The following SCRG1 variants were observed in gnomAD, a reference collection of about 807,000 sequenced individuals.
SCRG1 encodes the protein stimulator of chondrogenesis 1.
Under a neutral mutation model 7.7 loss-of-function variants are expected in SCRG1, and 3 were observed. The ratio of observed to expected loss-of-function variants is 0.39; its 90% CI spans 0.18 to 1.01. The LOEUF (loss-of-function observed/expected upper bound fraction) is 1.01, where lower values mean the gene tolerates loss of function less well. Ranked by LOEUF, SCRG1 falls within the 50% of genes least tolerant of loss-of-function variation. The pLI is 0.36. For synonymous variants in SCRG1, 46 were observed against 41.2 expected (o/e 1.12, Z -0.44); for missense variants, 110 against 117.2 (o/e 0.94, Z 0.28).
chr4:173,460,625 GC>G, the SCRG1 span, among the ~76,000 whole-genome samples: 1 of 152,194 alleles, frequency 6.6e-6, no homozygotes. Context: ...TTTATCACCT[GC>G]TAACTGAAGA....
the SCRG1 span, among the ~76,000 whole-genome samples, chr4:173,442,433 A>G: frequency 1.3e-5 from 2 of 152,132 alleles, no homozygotes; most frequent in African/African-American, 4.8e-5. Context: ...CTTTTCTTCA[A>G]ACGACTTCAG....
At chr4:173,388,531 G>A in intron 2 of SCRG1, 136 bp from the exon 3 acceptor site, 1 of 570,022 alleles carries the variant, frequency 1.8e-6, no homozygotes, top group Non-Finnish European at 3.0e-6. Context: ...AATGTAAAGA[G>A]ATGAGTGGGA....
At chr4:173,454,996 T>C in the SCRG1 span, among the ~76,000 whole-genome samples, 10 of 152,298 alleles carry the variant, frequency 6.6e-5, no homozygotes, top group South Asian at 2.1e-3. Context: ...GATTCTTATG[T>C]AATAATCTTG....
chr4:173,400,844 T>A (rs1044541885), upstream of SCRG1, among the ~76,000 whole-genome samples: 1 of 152,196 alleles, frequency 6.6e-6, no homozygotes, highest in African/African-American at 2.4e-5. Context: ...CCCACCATTA[T>A]GCTGTACTGC....
the SCRG1 span, among the ~76,000 whole-genome samples, chr4:173,423,867 T>C: frequency 1.3e-5 from 2 of 152,178 alleles, no homozygotes; most frequent in Non-Finnish European, 2.9e-5. Flanking sequence ...CAGCCATTGA[T>C]GAGGGCCTCC....
chr4:173,474,323 G>A, the SCRG1 span, among the ~76,000 whole-genome samples: 1 of 152,036 alleles, frequency 6.6e-6, no homozygotes, highest in Non-Finnish European at 1.5e-5. Flanking sequence ...GTATATTTTT[G>A]TGAGAAAATT....
chr4:173,401,066 G>C (rs1199661261), upstream of SCRG1, among the ~76,000 whole-genome samples: 1 of 152,110 alleles, frequency 6.6e-6, no homozygotes, highest in Non-Finnish European at 1.5e-5. Context: ...AGAACAACAC[G>C]TGCACACCCT....
At chr4:173,497,045 G>T in the SCRG1 span, among the ~76,000 whole-genome samples, 1 of 152,130 alleles carries the variant, frequency 6.6e-6, no homozygotes, top group Non-Finnish European at 1.5e-5. Flanking sequence ...GGCAGAGCGT[G>T]CAGTGAGCTG....
the SCRG1 span, among the ~76,000 whole-genome samples, chr4:173,440,591 A>C: frequency 2.0e-5 from 3 of 152,208 alleles, no homozygotes; most frequent in African/African-American, 7.2e-5. Flanking sequence ...GACATATCCA[A>C]TATGGTGTGG....
chr4:173,434,244 C>T, the SCRG1 span, among the ~76,000 whole-genome samples: 2 of 152,090 alleles, frequency 1.3e-5, no homozygotes, highest in South Asian at 2.1e-4. Flanking sequence ...AATTTCATTT[C>T]AAAAATTTTA....
chr4:173,388,377 T>C lies in SCRG1; in HGVS notation c.261A>G (p.Pro87=), dbSNP rs370051987. The C allele has an allele frequency of 6.2e-6, 10 of 1,612,166 alleles. No individual in the cohort carries two copies. The African/African-American group carries it at 6.7e-5, about 11-fold the overall frequency. Residue 87 remains proline (P), a synonymous_variant, in exon 3 of 3, where the codon CCA becomes CCG. Coordinates refer to ENST00000296506, the MANE Select transcript of SCRG1 (RefSeq NM_007281.4). ...LCCPKDVFFG[P]KISFVIPCNN... is the part of the protein sequence containing the mutation. The stretch of plus-strand genomic sequence containing the variant: ...TGCAAGGAATCACGAAAGAGATCTT[T>C]GGTCCAAAGAAAACGTCTCTGAAAG...
At position 173,388,044 on chromosome 4, in the gene SCRG1, T is replaced by A. The variant is rs955010008; in HGVS notation, c.*297A>T. 1 of 283,154 alleles carries A rather than the reference T, an allele frequency of 3.5e-6. No homozygotes were observed. Among genetic ancestry groups the A allele is most frequent in the Non-Finnish European group, 6.5e-6 (1 of 154,224 alleles). 17.5% of individuals were successfully genotyped at this position (283,154 alleles called of 1,614,324 possible). ...GAAAGTATTTTCAATCCTTGAGCCA[T>A]GCCTATGGCTCTTCATCTGGGGGAC... On this transcript the variant is annotated 3_prime_UTR_variant, in exon 3 of 3. Coordinates refer to ENST00000296506, the MANE Select transcript of SCRG1 (RefSeq NM_007281.4).
At chr4:173,496,751 G>C in the SCRG1 span, among the ~76,000 whole-genome samples, 2 of 152,184 alleles carry the variant, frequency 1.3e-5, no homozygotes, top group South Asian at 4.1e-4. Flanking sequence ...TTCTGATTAA[G>C]TATTGCCCAG....
the SCRG1 span, among the ~76,000 whole-genome samples, chr4:173,441,574 A>G: frequency 6.6e-6 from 1 of 152,338 alleles, no homozygotes; most frequent in Admixed American, 6.5e-5. Flanking sequence ...TCACTGTATT[A>G]GGATCAGAAC....
chr4:173,456,227 C>A, the SCRG1 span, among the ~76,000 whole-genome samples: 1 of 152,088 alleles, frequency 6.6e-6, no homozygotes, highest in Admixed American at 6.5e-5. Context: ...ACACAGAATT[C>A]GAATCTTAAG....
chr4:173,423,036 G>A, the SCRG1 span, among the ~76,000 whole-genome samples: 3 of 152,012 alleles, frequency 2.0e-5, no homozygotes, highest in African/African-American at 2.4e-5. Context: ...AGGAGACTTC[G>A]GTGATTCACG....
At chr4:173,489,464 A>C in the SCRG1 span, among the ~76,000 whole-genome samples, 1 of 151,752 alleles carries the variant, frequency 6.6e-6, no homozygotes, top group Non-Finnish European at 1.5e-5. Context: ...CCATTTTTCC[A>C]CTTCTTTCCT....
chr4:173,511,675 C>T, the SCRG1 span, among the ~76,000 whole-genome samples: 1 of 151,952 alleles, frequency 6.6e-6, no homozygotes, highest in African/African-American at 2.4e-5. This position sits in a 1 kb window ranked among gnomAD's most constrained non-coding sequence, Gnocchi z 5.2. Flanking sequence ...GCAGATGAAC[C>T]CTAAAGGCCC....
At chr4:173,488,127 AAATAAATTT>A in the SCRG1 span, among the ~76,000 whole-genome samples, 1 of 151,106 alleles carries the variant, frequency 6.6e-6, no homozygotes, top group Non-Finnish European at 1.5e-5. Flanking sequence ...ATAAATAAAT[AAATAAATTT>A]AAAAAATGGT....
Sources: allele counts gnomAD v4.1 joint callset (sites outside exome capture counted in the v4.1 genomes callset), GRCh38; gene constraint gnomAD v4.1.1; non-coding constraint Gnocchi (gnomAD v3.1); transcripts MANE v1.5; gene names NCBI Gene and HGNC (gene_info 2026-07-23, HGNC 2026-07-21).